Variants in MAMLD1 observed in about 807,000 individuals in gnomAD.
The protein encoded by MAMLD1 is mastermind-like domain-containing protein 1.
In MAMLD1, 14 loss-of-function variants were observed where a neutral mutation model predicts 45.0. The ratio of observed to expected loss-of-function variants is 0.31; its 90% CI spans 0.21 to 0.49. The LOEUF (loss-of-function observed/expected upper bound fraction) is 0.49. Ranked by LOEUF, MAMLD1 falls within the 20% of genes least tolerant of loss-of-function variation. MAMLD1 has a pLI of 0.99. For missense variants in MAMLD1, 543 were observed against 603.6 expected (o/e 0.90, Z 1.05); for synonymous variants, 254 against 247.8 (o/e 1.02, Z -0.24).
chrX:150,420,712 T>C (rs2034462726), intron 1 of MAMLD1, among the ~76,000 whole-genome samples: 1 of 112,540 alleles, frequency 8.9e-6, no homozygotes, highest in Non-Finnish European at 1.9e-5. Flanking sequence ...GAGGTGTCAG[T>C]GTGCCCCTGC....
intron 5 of MAMLD1, among the ~76,000 whole-genome samples, chrX:150,500,335 G>A (rs2037513952): frequency 8.9e-6 from 1 of 111,784 alleles, no homozygotes; most frequent in Non-Finnish European, 1.9e-5. Flanking sequence ...GCTCCAAGGA[G>A]ATTGGTATGA....
At chrX:150,423,785 C>T (rs1163926923) in intron 1 of MAMLD1, among the ~76,000 whole-genome samples, 3 of 111,931 alleles carry the variant, frequency 2.7e-5, no homozygotes, top group South Asian at 3.7e-4. Flanking sequence ...AAAACTAGCA[C>T]GGAGATCACT....
In MAMLD1 at chrX:150,503,403, C is replaced by T. The variant is rs782532365; in HGVS notation, c.2170C>T (p.Leu724=). The change falls in exon 6 of 8, where the codon CTG becomes TTG. Residue 724 remains leucine, a synonymous_variant. Coordinates refer to ENST00000370401, the MANE Select transcript of MAMLD1 (RefSeq NM_005491.5). ...GCCCGGCAGCTCCTTTGCTCATGAGCTGGCCCGAGTCACCTCCTCGTACAG... is the reference window on the plus strand; with the variant it reads ...GCCCGGCAGCTCCTTTGCTCATGAGTTGGCCCGAGTCACCTCCTCGTACAG... The part of the protein sequence containing the change: ...FLPGSSFAHE[L]ARVTSSYSTS... 1.7e-6 allele frequency: 2 copies of T among 1,211,971 alleles called. No individual in the cohort carries two copies. Among genetic ancestry groups the T allele is most frequent in the Admixed American group, 2.2e-5 (1 of 46,148 alleles).
At chrX:150,480,730 C>T (rs1455811619) in intron 5 of MAMLD1, among the ~76,000 whole-genome samples, 2 of 112,419 alleles carry the variant, frequency 1.8e-5, no homozygotes, top group Non-Finnish European at 3.8e-5. Flanking sequence ...AGCCACAGGC[C>T]TTGGCTGGGT....
At chrX:150,487,881 A>G (rs782619566) in intron 5 of MAMLD1, among the ~76,000 whole-genome samples, 1 of 112,908 alleles carries the variant, frequency 8.9e-6, no homozygotes, top group South Asian at 3.6e-4. Flanking sequence ...TTCACAACAC[A>G]GGTCCTGGAT....
At position 150,402,952 on chromosome X, in the gene MAMLD1, T is replaced by C. The variant is rs782169844; in HGVS notation, c.-64+39422T>C. ...TGGGGGGAGGAAGGAGGGATGGCAT[T>C]GGGAGATATACCTAATGCTAGATGA... On this transcript the variant is annotated intron_variant, in intron 1 of 7. Coordinates refer to ENST00000370401, the MANE Select transcript of MAMLD1 (RefSeq NM_005491.5). Among the ~76,000 whole-genome samples the C allele has an allele frequency of 5.6e-3, 616 of 110,164 alleles. 9 individuals carry two copies. The highest frequency in any genetic ancestry group is 0.019 in the African/African-American group (583 of 30,134).
chrX:150,378,502 C>T (rs919843272), intron 1 of MAMLD1, among the ~76,000 whole-genome samples: 1 of 111,825 alleles, frequency 8.9e-6, no homozygotes, highest in Non-Finnish European at 1.9e-5. Flanking sequence ...TATCCTAGTA[C>T]ACCTCAAACT....
chrX:150,468,504 C>A (rs1261812854), intron 3 of MAMLD1, among the ~76,000 whole-genome samples: 3 of 111,928 alleles, frequency 2.7e-5, no homozygotes, highest in Non-Finnish European at 5.6e-5. Flanking sequence ...CCAGATCCCT[C>A]TCTTCCTTTC....
chrX:150,464,551 A>G (rs2036158140), intron 3 of MAMLD1, among the ~76,000 whole-genome samples: 1 of 112,385 alleles, frequency 8.9e-6, no homozygotes, highest in Non-Finnish European at 1.9e-5. Flanking sequence ...TTGATACTAT[A>G]CACACGGATA....
chrX:150,373,220 A>C (rs1435664005), intron 1 of MAMLD1, among the ~76,000 whole-genome samples: 5 of 111,257 alleles, frequency 4.5e-5, no homozygotes, highest in Non-Finnish European at 9.4e-5. Flanking sequence ...TGGCAGTCCC[A>C]CATATATCTT....
intron 1 of MAMLD1, among the ~76,000 whole-genome samples, chrX:150,425,589 C>G (rs886160847): frequency 6.3e-5 from 7 of 111,907 alleles, no homozygotes; most frequent in African/African-American, 2.3e-4. Context: ...TTGGGTGATG[C>G]CTTCAGAGAG....
At chrX:150,455,266 A>G (rs1380310273) in intron 2 of MAMLD1, among the ~76,000 whole-genome samples, 6 of 112,274 alleles carry the variant, frequency 5.3e-5, no homozygotes, top group African/African-American at 1.9e-4. Flanking sequence ...GGGATCTTTC[A>G]TTTCATAAAA....
intron 2 of MAMLD1, among the ~76,000 whole-genome samples, chrX:150,462,289 G>A (rs2036065816): frequency 8.9e-6 from 1 of 112,108 alleles, no homozygotes; most frequent in African/African-American, 3.2e-5. Context: ...TGCACCGACT[G>A]GTGAGGCACA....
At position 150,432,518 on chromosome X, in the gene MAMLD1, C is replaced by G. The variant is rs148610753; in HGVS notation, c.-63-12936C>G. ...GAGCCTATATGCAGAATGATATTTC[C>G]TAAGTTATCTTCCAGGATTTTTATA... On this transcript the variant is annotated intron_variant, in intron 1 of 7. Coordinates refer to ENST00000370401, the MANE Select transcript of MAMLD1 (RefSeq NM_005491.5). 5.2e-3 allele frequency among the ~76,000 whole-genome samples: 584 copies of G among 111,779 alleles called. 3 individuals carry two copies. The highest frequency in any genetic ancestry group is 0.014 in the Middle Eastern group (3 of 215).
intron 2 of MAMLD1, among the ~76,000 whole-genome samples, chrX:150,461,946 T>C (rs782502070): frequency 1.8e-5 from 2 of 112,089 alleles, no homozygotes; most frequent in African/African-American, 6.5e-5. Context: ...TCTGTAGCCA[T>C]CATTTCACAA....
rs1226910432 is a variant in MAMLD1, at chrX:150,513,156, G to A, written c.*1197G>A. ...CGATCCATACCCGCAGTTGTCTCCC[G>A]TTACAATTTGAGTGGTGTTGTCAGC... On this transcript the variant is annotated 3_prime_UTR_variant, in exon 8 of 8. Transcript: ENST00000370401. The A allele has an allele frequency of 8.8e-5, 73 of 833,648 alleles. No individual in the cohort carries two copies. In the East Asian group the frequency reaches 1.4e-3, roughly 16 times the overall value. 68.7% of individuals were successfully genotyped at this position (833,648 alleles called of 1,213,427 possible).
Position 150,363,372 on chromosome X carries a change from G to T in MAMLD1, c.-222G>T. 2 of 111,359 alleles carry T rather than the reference G, an allele frequency of 1.8e-5. No homozygotes were observed. Among genetic ancestry groups the T allele is most frequent in the East Asian group, 5.8e-4 (2 of 3,474 alleles). The allele number at this position is 111,359 out of a possible 1,213,427, so 9.2% of individuals were successfully genotyped here. On this transcript the variant is annotated 5_prime_UTR_variant, in exon 1 of 8. Transcript: ENST00000370401. ...CATGAACTTGGCCGCGAGCTGAAGC[G>T]GCCGGCGGCGGGCGGGCGCGGGGGC...
chrX:150,417,412 T>C (rs2034297267), intron 1 of MAMLD1, among the ~76,000 whole-genome samples: 2 of 106,010 alleles, frequency 1.9e-5, no homozygotes, highest in South Asian at 4.4e-4. Flanking sequence ...TCTATCATTG[T>C]TGGACATTTG....
intron 3 of MAMLD1, among the ~76,000 whole-genome samples, chrX:150,467,838 T>C (rs1030632923): frequency 3.6e-5 from 4 of 112,010 alleles, no homozygotes; most frequent in Non-Finnish European, 5.6e-5. Context: ...AAGAAGGGTA[T>C]TGGACTCCCA....
Sources: allele counts gnomAD v4.1 joint callset (sites outside exome capture counted in the v4.1 genomes callset), GRCh38; gene constraint gnomAD v4.1.1; transcripts MANE v1.5; gene names NCBI Gene and HGNC (gene_info 2026-07-23, HGNC 2026-07-21).